Variants in SLC1A1 observed in about 807,000 individuals in gnomAD.
The protein encoded by SLC1A1 is excitatory amino acid transporter 3.
A neutral mutation model predicts 53.3 loss-of-function variants in SLC1A1; 43 were observed. That is an observed-to-expected ratio of 0.81 (90% CI 0.63 to 1.04). The LOEUF is 1.04. Among genes scored for constraint, SLC1A1 ranks in the 50% least tolerant of loss-of-function variants. The pLI is 0.00. For synonymous variants in SLC1A1, 307 were observed against 243.2 expected (o/e 1.26, Z -2.44); for missense variants, 748 against 664.9 (o/e 1.12, Z -1.37).
intron 6 of SLC1A1, among the ~76,000 whole-genome samples, chr9:4,570,648 G>C (rs1355265914): frequency 6.6e-6 from 1 of 152,148 alleles, no homozygotes; most frequent in African/African-American, 2.4e-5. Flanking sequence ...TGGGATTACA[G>C]GTGTGAGCCA....
intron 1 of SLC1A1, among the ~76,000 whole-genome samples, chr9:4,535,554 A>C (rs1816643687): frequency 6.6e-6 from 1 of 152,190 alleles, no homozygotes; most frequent in African/African-American, 2.4e-5. Context: ...CAATGAAATA[A>C]AAGAGGATAC....
At chr9:4,527,445 T>C (rs1053359901) in intron 1 of SLC1A1, among the ~76,000 whole-genome samples, 2 of 152,228 alleles carry the variant, frequency 1.3e-5, no homozygotes, top group Admixed American at 1.3e-4. Context: ...AAGCAGTTTG[T>C]AAATTGACAT....
intron 1 of SLC1A1, among the ~76,000 whole-genome samples, chr9:4,528,791 C>T (rs1035301577): frequency 1.3e-5 from 2 of 151,978 alleles, no homozygotes; most frequent in African/African-American, 4.8e-5. Context: ...TCCACTCTTA[C>T]CTTTCTTTGT....
chr9:4,522,334 A>C (rs909177592), intron 1 of SLC1A1, among the ~76,000 whole-genome samples: 17 of 152,032 alleles, frequency 1.1e-4, no homozygotes, highest in Non-Finnish European at 1.8e-4. Flanking sequence ...TACAGGTGTG[A>C]GCCACCACGC....
Position 4,585,472 on chromosome 9 carries a change from T to C in SLC1A1, c.1489T>C (p.Ser497Pro). 6.2e-7 allele frequency: 1 copy of C among 1,614,204 alleles called. No homozygotes were observed. Among genetic ancestry groups the C allele is most frequent in the Non-Finnish European group, 8.5e-7 (1 of 1,180,034 alleles). The stretch of plus-strand genomic sequence containing the variant: ...ATCCACAATCCTTGACAACGAAGAC[T>C]CAGACACCAAGAAGTCTTATGTCAA... ...LESTILDNED[S>P]DTKKSYVNGG... The change falls in exon 12 of 12, where the codon TCA (serine) becomes CCA (proline). Residue 497 changes from serine to proline, a missense_variant. By Grantham distance (74) the Ser-to-Pro change is moderately conservative. Coordinates refer to ENST00000262352, the MANE Select transcript of SLC1A1 (RefSeq NM_004170.6).
chr9:4,565,460 A>G (rs976378503), intron 4 of SLC1A1, among the ~76,000 whole-genome samples: 1 of 152,210 alleles, frequency 6.6e-6, no homozygotes, highest in Non-Finnish European at 1.5e-5. Flanking sequence ...GAAACTTACA[A>G]TCATGGCAGA....
At chr9:4,492,219 G>A (rs906605850) in intron 1 of SLC1A1, among the ~76,000 whole-genome samples, 3 of 152,016 alleles carry the variant, frequency 2.0e-5, no homozygotes, top group South Asian at 2.1e-4. Context: ...AATAGCATAC[G>A]CTACAAAGAA....
At chr9:4,533,019 A>G (rs1431865718) in intron 1 of SLC1A1, among the ~76,000 whole-genome samples, 1 of 152,188 alleles carries the variant, frequency 6.6e-6, no homozygotes, top group Admixed American at 6.5e-5. Context: ...ATGCTGAGAG[A>G]TTTTGTCACC....
chr9:4,564,369 G>T lies in SLC1A1; in HGVS notation c.351G>T (p.Lys117Asn), dbSNP rs1819281844. Residue 117 changes from lysine to asparagine, a missense_variant, in exon 4 of 12, where the codon AAG becomes AAT. By Grantham distance (94) the Lys-to-Asn change is moderately conservative. Transcript: ENST00000262352. Reference sequence around the variant, plus strand: ...GTATTGTGCTGGTGGTGAGCATCAAGCCTGGTGTCACCCAGAAAGTGGGTG... The same window carrying T: ...GTATTGTGCTGGTGGTGAGCATCAATCCTGGTGTCACCCAGAAAGTGGGTG... ...ILGIVLVVSI[K>N]PGVTQKVGEI... 5.6e-6 allele frequency: 9 copies of T among 1,613,682 alleles called. No individual in the cohort carries two copies. The highest frequency in any genetic ancestry group is 6.8e-6 in the Non-Finnish European group (8 of 1,179,778).
At chr9:4,585,279 G>A in intron 11 of SLC1A1, 33 bp from the exon 12 acceptor site, 2 of 1,612,228 alleles carry the variant, frequency 1.2e-6, no homozygotes, top group Non-Finnish European at 1.7e-6. Flanking sequence ...TGAAATCTGG[G>A]CCTCCTGTCT....
At chr9:4,581,535 G>A (rs1821097892) in intron 10 of SLC1A1, among the ~76,000 whole-genome samples, 1 of 152,176 alleles carries the variant, frequency 6.6e-6, no homozygotes, top group African/African-American at 2.4e-5. Context: ...ATAGAGACAT[G>A]GATTACTGTG....
At chr9:4,544,131 G>A (rs937127644) in intron 1 of SLC1A1, among the ~76,000 whole-genome samples, 7 of 152,130 alleles carry the variant, frequency 4.6e-5, no homozygotes, top group Non-Finnish European at 4.4e-5. Flanking sequence ...AGCCGAGATG[G>A]TACCACTGTA....
chr9:4,564,910 C>G (rs1235986260), intron 4 of SLC1A1, among the ~76,000 whole-genome samples: 1 of 152,168 alleles, frequency 6.6e-6, no homozygotes, highest in Non-Finnish European at 1.5e-5. Flanking sequence ...TCACTTAAAA[C>G]TTAGTGCATT....
Position 4,567,704 on chromosome 9 carries a change from C to A in SLC1A1, c.519C>A (p.Ser173Arg), listed in dbSNP as rs183300590. The change falls in exon 6 of 12, where the codon AGC (serine) becomes AGA (arginine). Residue 173 changes from serine (S) to arginine (R), a missense_variant. Physicochemically the swap from Ser to Arg is moderately radical, Grantham distance 110. Transcript: ENST00000262352. ...KTKREEVKPPSDPEMNMTEES... is the reference protein window; with the variant it reads ...KTKREEVKPPRDPEMNMTEES... ...AGCGTGAAGAAGTGAAGCCTCCCAG[C>A]GATCCAGAGATGAACATGACAGAAG... 9.3e-6 allele frequency: 15 copies of A among 1,613,058 alleles called. No individual in the cohort carries two copies. The highest frequency in any genetic ancestry group is 2.2e-5 in the South Asian group (2 of 90,936).
Position 4,567,682 on chromosome 9 carries a change from G to A in SLC1A1, c.497G>A (p.Arg166His), listed in dbSNP as rs775390587. ...QACFQQYKTKREEVKPPSDPE... is the reference protein window; with the variant it reads ...QACFQQYKTKHEEVKPPSDPE... ...TCCAACATGCAGTACAAAACTAAGC[G>A]TGAAGAAGTGAAGCCTCCCAGCGAT... The change falls in exon 6 of 12, where the codon CGT (arginine) becomes CAT (histidine). Residue 166 changes from arginine (R) to histidine (H), a missense_variant. Arg to His is a conservative substitution (Grantham distance 29). Transcript: ENST00000262352. 53 of 1,611,158 alleles carry A rather than the reference G, an allele frequency of 3.3e-5. No individual in the cohort carries two copies. Among genetic ancestry groups the A allele is most frequent in the East Asian group, 4.5e-5 (2 of 44,880 alleles).
At chr9:4,518,397 C>G (rs1194090868) in intron 1 of SLC1A1, among the ~76,000 whole-genome samples, 1 of 150,910 alleles carries the variant, frequency 6.6e-6, no homozygotes, top group Non-Finnish European at 1.5e-5. Flanking sequence ...GATAAGGTCT[C>G]ACTCTGTCAC....
In SLC1A1 at chr9:4,583,776, A is replaced by C. The variant is rs1442444223; in HGVS notation, c.1328+604A>C. 6.6e-6 allele frequency among the ~76,000 whole-genome samples: 1 copy of C among 152,076 alleles called. No homozygotes were observed. The highest frequency in any genetic ancestry group is 1.5e-5 in the Non-Finnish European group (1 of 68,028). On this transcript the variant is annotated intron_variant, in intron 11 of 11. Coordinates refer to ENST00000262352, the MANE Select transcript of SLC1A1 (RefSeq NM_004170.6). The surrounding 1 kb of genome is among the most constrained non-coding windows in gnomAD (Gnocchi z 4.6). ...CATCTAGAACAGCGTTTGGCAGCCC[A>C]TACATGCTCAATAAATGGCAAGTTT... is the stretch of plus-strand genomic sequence containing the variant.
intron 10 of SLC1A1, among the ~76,000 whole-genome samples, chr9:4,580,762 T>C (rs1168701597): frequency 6.6e-6 from 1 of 151,872 alleles, no homozygotes; most frequent in East Asian, 1.9e-4. Context: ...GTAATAGTTG[T>C]TGTTTTGGTT....
At chr9:4,560,212 A>G (rs73641474) in intron 2 of SLC1A1, 1 of 152,262 alleles carries the variant, frequency 6.6e-6, no homozygotes, top group Non-Finnish European at 1.5e-5. Flanking sequence ...GCAATTTGAA[A>G]ATCATGAAAA....
Sources: allele counts gnomAD v4.1 joint callset (sites outside exome capture counted in the v4.1 genomes callset), GRCh38; gene constraint gnomAD v4.1.1; non-coding constraint Gnocchi (gnomAD v3.1); transcripts MANE v1.5; gene names NCBI Gene and HGNC (gene_info 2026-07-23, HGNC 2026-07-21).